HEPHL1: variants seen among roughly 807,000 people sequenced by gnomAD.
HEPHL1 encodes the protein hephaestin like 1.
Under a neutral mutation model 122.0 loss-of-function variants are expected in HEPHL1, and 123 were observed. The ratio of observed to expected loss-of-function variants is 1.01; its 90% confidence interval spans 0.87 to 1.17. HEPHL1 has a LOEUF of 1.17. Among genes scored for constraint, HEPHL1 ranks in the 50% most tolerant of loss-of-function variants. The probability of loss-of-function intolerance (pLI) is 0.00; values close to 1 mark genes in which losing one functional copy is unlikely to be tolerated. For synonymous variants in HEPHL1, 527 were observed against 508.9 expected, an observed-to-expected ratio of 1.04 and a Z score of -0.48; for missense variants, 1,452 against 1,430.5, an observed-to-expected ratio of 1.01 and a Z score of -0.24.
chr11:94,052,925 G>A (rs1354054069), intron 2 of HEPHL1, among the ~76,000 whole-genome samples: 1 of 152,028 alleles, frequency 6.6e-6, no homozygotes, highest in Non-Finnish European at 1.5e-5. Flanking sequence ...AAGGATATTG[G>A]TCTGTAGTTT....
chr11:94,029,727 G>T (rs912884807), intron 1 of HEPHL1, among the ~76,000 whole-genome samples: 1 of 152,214 alleles, frequency 6.6e-6, no homozygotes, highest in Non-Finnish European at 1.5e-5. Flanking sequence ...ACTGATATGT[G>T]TCCAGGAATA....
At chr11:94,105,941 C>CTTTTAACTAACCAA in intron 16 of HEPHL1, 50 bp from the exon 17 acceptor site, 1 of 1,284,392 alleles carries the variant, frequency 7.8e-7, no homozygotes, top group East Asian at 2.4e-5. Context: ...TTTAAAAAAT[C>CTTTTAACTAACCAA]AGCTTATCTT....
chr11:94,108,302 A>G, intron 17 of HEPHL1, among the ~76,000 whole-genome samples: 1 of 152,160 alleles, frequency 6.6e-6, no homozygotes, highest in East Asian at 1.9e-4. Flanking sequence ...TTCTGGATAC[A>G]AATCCTTTTT....
chr11:94,028,747 C>T (rs1945647248), intron 1 of HEPHL1, among the ~76,000 whole-genome samples: 1 of 152,212 alleles, frequency 6.6e-6, no homozygotes, highest in African/African-American at 2.4e-5. Flanking sequence ...ACCAATGCAA[C>T]ATTCTAACAA....
chr11:94,107,348 A>G (rs1288128146), intron 17 of HEPHL1, among the ~76,000 whole-genome samples: 1 of 152,178 alleles, frequency 6.6e-6, no homozygotes, highest in African/African-American at 2.4e-5. Context: ...TTTAAAAATT[A>G]TATTAAAAAT....
chr11:94,044,041 T>G (rs551922735), intron 1 of HEPHL1, among the ~76,000 whole-genome samples: 1 of 152,032 alleles, frequency 6.6e-6, no homozygotes, highest in East Asian at 2.0e-4. Flanking sequence ...TTGGGATGGC[T>G]GCACCCAGGA....
chr11:94,089,767 G>A (rs950611375), intron 12 of HEPHL1, among the ~76,000 whole-genome samples: 1 of 152,194 alleles, frequency 6.6e-6, no homozygotes, highest in African/African-American at 2.4e-5. Context: ...ATATGCAGAT[G>A]AGGAAACTTG....
chr11:94,068,834 C>T (rs1271914757), intron 5 of HEPHL1, among the ~76,000 whole-genome samples: 1 of 152,112 alleles, frequency 6.6e-6, no homozygotes, highest in African/African-American at 2.4e-5. Context: ...ATGGAATAGA[C>T]ACAGAAGAAA....
At chr11:94,037,365 C>T (rs1426110785) in intron 1 of HEPHL1, among the ~76,000 whole-genome samples, 3 of 151,774 alleles carry the variant, frequency 2.0e-5, no homozygotes, top group Non-Finnish European at 4.4e-5. Flanking sequence ...GTGGAGCCCA[C>T]CACAGCTCAA....
chr11:94,111,582 A>G lies in HEPHL1; in HGVS notation c.3254A>G (p.His1085Arg), dbSNP rs1591492505. ...ACCACATCTCCTGGAGTGGCATCTC[A>G]CCCAGCCACGGTGCCATCTAACGGT... ...YSTTSPGVAS[H>R]PATVPSNERP... is the part of the protein sequence containing the mutation. The change falls in exon 19 of 20, where the codon CAC becomes CGC. Residue 1085 changes from histidine to arginine, a missense_variant. By Grantham distance (29) the His-to-Arg change is conservative. Transcript: ENST00000315765. The G allele has an allele frequency of 1.2e-6, 2 of 1,604,578 alleles. No individual in the cohort carries two copies. The highest frequency in any genetic ancestry group is 1.3e-5 in the African/African-American group (1 of 74,712).
chr11:94,051,082 A>G (rs1246756739), intron 2 of HEPHL1, among the ~76,000 whole-genome samples: 1 of 152,144 alleles, frequency 6.6e-6, no homozygotes, highest in African/African-American at 2.4e-5. Flanking sequence ...AACCTTGGCT[A>G]CTGTGAATAG....
intron 11 of HEPHL1, among the ~76,000 whole-genome samples, 158 bp from the exon 12 acceptor site, chr11:94,088,597 A>G (rs1414978831): frequency 6.6e-6 from 1 of 152,174 alleles, no homozygotes; most frequent in Non-Finnish European, 1.5e-5. Context: ...AGTAATCTAT[A>G]CCCCCTGGGG....
In HEPHL1 at chr11:94,102,985, C is replaced by A. The variant is rs1323327984; in HGVS notation, c.2647C>A (p.Pro883Thr). The change falls in exon 15 of 20, where the codon CCA (proline) becomes ACA (threonine). Residue 883 changes from proline to threonine, a missense_variant. Coordinates refer to ENST00000315765, the MANE Select transcript of HEPHL1 (RefSeq NM_001098672.2). ...GPGPSDPNCI[P>T]WVYYSTVNFV... The stretch of plus-strand genomic sequence containing the variant: ...AGGGCCTTCTGATCCCAATTGTATT[C>A]CATGGGTTTACTATTCAACAGTAAA... 1 of 1,606,676 alleles carries A rather than the reference C, an allele frequency of 6.2e-7. No homozygotes were observed. The highest frequency in any genetic ancestry group is 2.2e-5 in the East Asian group (1 of 44,828).
chr11:94,097,044 T>A lies in HEPHL1; in HGVS notation c.2434+3404T>A, dbSNP rs1946322600. Among the ~76,000 whole-genome samples, 3 of 152,352 alleles carry A rather than the reference T, an allele frequency of 2.0e-5. No individual in the cohort carries two copies. In the South Asian group the frequency reaches 6.2e-4, roughly 32 times the overall value. ...TCAGTTCTGCTCTGATCTTAGTTAT[T>A]TCTTGCCTTCTGCTAGCTTTTGAAT... On this transcript the variant is annotated intron_variant, in intron 13 of 19. Coordinates refer to ENST00000315765, the MANE Select transcript of HEPHL1 (RefSeq NM_001098672.2).
At chr11:94,043,335 A>G (rs148959227) in intron 1 of HEPHL1, among the ~76,000 whole-genome samples, 2 of 152,230 alleles carry the variant, frequency 1.3e-5, no homozygotes, top group African/African-American at 4.8e-5. Context: ...CAAGTACACA[A>G]GAAAGAGATC....
chr11:94,037,527 C>T (rs567269849), intron 1 of HEPHL1, among the ~76,000 whole-genome samples: 7 of 152,228 alleles, frequency 4.6e-5, no homozygotes, highest in South Asian at 4.2e-4. Context: ...GATCTGAGAA[C>T]GGGCAGACTG....
At chr11:94,042,782 G>A (rs1336381285) in intron 1 of HEPHL1, among the ~76,000 whole-genome samples, 165 of 143,368 alleles carry the variant, frequency 1.2e-3, no homozygotes, top group African/African-American at 4.1e-3. Context: ...GCTAGATGAC[G>A]AGTTAGTGGG....
intron 2 of HEPHL1, among the ~76,000 whole-genome samples, chr11:94,047,035 A>C (rs1945845433): frequency 6.6e-6 from 1 of 152,158 alleles, no homozygotes; most frequent in African/African-American, 2.4e-5. Flanking sequence ...CAGCGAGAGG[A>C]GAGAACTCTG....
At chr11:94,091,374 G>A (rs1409422441) in intron 12 of HEPHL1, among the ~76,000 whole-genome samples, 2 of 152,206 alleles carry the variant, frequency 1.3e-5, no homozygotes, top group East Asian at 3.8e-4. Flanking sequence ...TTGCAGTGGA[G>A]AAAGCTGGGA....
Sources: gnomAD v4.1 joint callset for allele counts (sites outside exome capture counted in the v4.1 genomes callset) on GRCh38, gnomAD v4.1.1 for gene constraint, MANE v1.5 for transcripts, NCBI Gene and HGNC (gene_info 2026-07-23, HGNC 2026-07-21) for gene names.